Variants in IGSF9B observed in about 807,000 individuals in gnomAD.
The protein encoded by IGSF9B is protein turtle homolog B.
Under a neutral mutation model 143.7 loss-of-function variants are expected in IGSF9B, and 48 were observed. The ratio of observed to expected loss-of-function variants is 0.33; its 90% confidence interval spans 0.26 to 0.42. The LOEUF (loss-of-function observed/expected upper bound fraction) is 0.42, where lower values mean the gene tolerates loss of function less well. Ranked by LOEUF, IGSF9B falls within the 20% of genes least tolerant of loss-of-function variation. IGSF9B has a pLI of 1.00. For missense variants in IGSF9B, 1,706 were observed against 1,980.0 expected (o/e 0.86, Z 2.63); for synonymous variants, 903 against 833.1 (o/e 1.08, Z -1.44).
At chr11:133,937,528 C>A in intron 4 of IGSF9B, 35 bp from the exon 5 acceptor site, 1 of 1,514,916 alleles carries the variant, frequency 6.6e-7, no homozygotes. Context: ...TCAGCACCCA[C>A]GCTCACACCC....
At position 133,945,661 on chromosome 11, in the gene IGSF9B, T is replaced by C. The variant is rs1940033544; in HGVS notation, c.262+400A>G. Among the ~76,000 whole-genome samples the C allele has an allele frequency of 6.6e-6, 1 of 152,006 alleles. No homozygotes were observed. On this transcript the variant is annotated intron_variant, in intron 2 of 19. Transcript: ENST00000533871. This position sits in a 1 kb window ranked among gnomAD's most constrained non-coding sequence, Gnocchi z 4.6. The stretch of plus-strand genomic sequence containing the variant: ...CGGTGGGAGGCCAAAGATTCATCCA[T>C]ACACTCAGGACGGGAAGGCGCCCCG...
chr11:133,932,087 G>A lies in IGSF9B; in HGVS notation c.1094C>T (p.Pro365Leu). Residue 365 changes from proline (P) to leucine (L), a missense_variant, in exon 8 of 20, where the codon CCC (proline) becomes CTC (leucine). Pro to Leu is a moderately conservative substitution (Grantham distance 98). Around this residue, in one of 7 missense-constraint regions of IGSF9B, gnomAD observed 238 missense variants for 452.6 expected, o/e 0.53. Transcript: ENST00000533871. ...TVVKWNKDGR[P>L]LQVEKNLGWT... Reference sequence around the variant, plus strand: ...CTCTAGCACCTTCTCAACCTGCAGGGGACGGCCGTCCTTGTTCCACTTGAC... The same window carrying A: ...CTCTAGCACCTTCTCAACCTGCAGGAGACGGCCGTCCTTGTTCCACTTGAC... 6.2e-7 allele frequency: 1 copy of A among 1,613,402 alleles called. No homozygotes were observed. Among genetic ancestry groups the A allele is most frequent in the Non-Finnish European group, 8.5e-7 (1 of 1,179,510 alleles).
In IGSF9B at chr11:133,956,749, A is replaced by C. The variant is rs1311667332; in HGVS notation, c.6T>G (p.Ile2Met). Reference sequence around the variant, plus strand: ...TTGCTATGAAAGTGGCCACATACCAAATCATAGTACTACCGCGCCAGCCCG... The same window carrying C: ...TTGCTATGAAAGTGGCCACATACCACATCATAGTACTACCGCGCCAGCCCG... The part of the protein sequence containing the change: M[I>M]WYVATFIASV... Residue 2 changes from isoleucine to methionine, a missense_variant, in exon 1 of 20, where the codon ATT (isoleucine) becomes ATG (methionine). Physicochemically the swap from Ile to Met is conservative, Grantham distance 10. This residue lies in a region of IGSF9B where 171 missense variants were observed against 213.9 expected (regional missense o/e 0.80). Coordinates refer to ENST00000533871, the MANE Select transcript of IGSF9B (RefSeq NM_001277285.4). The C allele has an allele frequency of 6.5e-7, 1 of 1,531,426 alleles. No individual in the cohort carries two copies. Among genetic ancestry groups the C allele is most frequent in the Non-Finnish European group, 8.8e-7 (1 of 1,139,606 alleles). The allele number at this position is 1,531,426 out of a possible 1,614,324, so 94.9% of individuals were successfully genotyped here.
chr11:133,912,450 C>A, intron 18 of IGSF9B: 1 of 438,096 alleles, frequency 2.3e-6, no homozygotes, highest in Non-Finnish European at 4.6e-6. Context: ...CCCAGTGAAT[C>A]ATCCTCCATC....
intron 3 of IGSF9B, among the ~76,000 whole-genome samples, chr11:133,942,891 G>A (rs112053823): frequency 0.017 from 2,539 of 152,206 alleles, 60 homozygotes; most frequent in African/African-American, 0.049. Flanking sequence ...AGGCAGGGCT[G>A]GGCTAGGCAG....
intron 5 of IGSF9B, 89 bp from the exon 6 acceptor site, chr11:133,936,283 A>G: frequency 8.1e-7 from 1 of 1,241,862 alleles, no homozygotes; most frequent in Non-Finnish European, 1.1e-6. Flanking sequence ...TGCCTCAGGA[A>G]GCGGTGCCCT....
At chr11:133,916,098 C>T (rs1000229479) in intron 18 of IGSF9B, among the ~76,000 whole-genome samples, 13 of 152,184 alleles carry the variant, frequency 8.5e-5, no homozygotes, top group African/African-American at 1.2e-4. Flanking sequence ...TGCCTCCCTG[C>T]GGTGACAGTC....
At position 133,931,360 on chromosome 11, in the gene IGSF9B, G is replaced by C. The variant is rs560174496; in HGVS notation, c.1368+93C>G. On this transcript the variant is annotated intron_variant, in intron 10 of 19. Coordinates refer to ENST00000533871, the MANE Select transcript of IGSF9B (RefSeq NM_001277285.4). This position sits in a 1 kb window ranked among gnomAD's most constrained non-coding sequence, Gnocchi z 7.7. ...GGCCCTCACACCTCCCCTCAGCCCC[G>C]GGGCTCGCTGGGCCCTCAAACCTCC... The C allele has an allele frequency of 2.1e-6, 2 of 938,884 alleles. No individual in the cohort carries two copies. Among genetic ancestry groups the C allele is most frequent in the Non-Finnish European group, 1.6e-6 (1 of 612,926 alleles). 58.2% of individuals were successfully genotyped at this position (938,884 alleles called of 1,614,324 possible). A position where few individuals can be genotyped will look rare whatever the true frequency, so the allele number is the denominator to read the frequency against.
intron 11 of IGSF9B, 95 bp from the exon 12 acceptor site, chr11:133,929,877 C>G (rs1261875832): frequency 1.3e-6 from 1 of 772,554 alleles, no homozygotes; most frequent in African/African-American, 1.7e-5. Flanking sequence ...GAGGCTGAAG[C>G]GCATGGCAGC....
At chr11:133,952,963 A>G (rs925504713) in intron 1 of IGSF9B, among the ~76,000 whole-genome samples, 1 of 152,186 alleles carries the variant, frequency 6.6e-6, no homozygotes, top group Non-Finnish European at 1.5e-5. Flanking sequence ...AGAAGGCCAC[A>G]GGATGTGGAG....
chr11:133,944,059 C>T (rs1939998990), intron 3 of IGSF9B, among the ~76,000 whole-genome samples, 161 bp downstream of exon 3: 1 of 152,242 alleles, frequency 6.6e-6, no homozygotes, highest in South Asian at 2.1e-4. Flanking sequence ...GGGGACACTG[C>T]AGGAGTGAGC....
chr11:133,903,405 C>T lies in IGSF9B; in HGVS notation c.*5664G>A, dbSNP rs1439636038. 6.6e-6 allele frequency among the ~76,000 whole-genome samples: 1 copy of T among 152,142 alleles called. No individual in the cohort carries two copies. The highest frequency in any genetic ancestry group is 1.5e-5 in the Non-Finnish European group (1 of 68,028). On this transcript the variant is annotated 3_prime_UTR_variant, in exon 20 of 20. Transcript: ENST00000533871. Reference sequence around the variant, plus strand: ...GGCTCCAAAGCCGGTAGCTTTTCACCAGCTCTCGTCCGAAACCCTAACTAC... The same window carrying T: ...GGCTCCAAAGCCGGTAGCTTTTCACTAGCTCTCGTCCGAAACCCTAACTAC...
chr11:133,904,932 T>TG lies in IGSF9B; in HGVS notation c.*4136dup. Among the ~76,000 whole-genome samples, 1 of 149,914 alleles carries TG rather than the reference T, an allele frequency of 6.7e-6. No homozygotes were observed. Among genetic ancestry groups the TG allele is most frequent in the Non-Finnish European group, 1.5e-5 (1 of 67,640 alleles). ...CCCTAAAGCAACACACACAGCCACA[T>TG]GGGGCTCTACACACTGCCTACTAGA... On this transcript the variant is annotated 3_prime_UTR_variant, in exon 20 of 20. Coordinates refer to ENST00000533871, the MANE Select transcript of IGSF9B (RefSeq NM_001277285.4).
At position 133,902,210 on chromosome 11, in the gene IGSF9B, A is replaced by G. The variant is rs1939141822; in HGVS notation, c.*6859T>C. Among the ~76,000 whole-genome samples the G allele has an allele frequency of 6.9e-6, 1 of 145,374 alleles. No individual in the cohort carries two copies. Among genetic ancestry groups the G allele is most frequent in the Admixed American group, 6.9e-5 (1 of 14,572 alleles). On this transcript the variant is annotated 3_prime_UTR_variant, in exon 20 of 20. Transcript: ENST00000533871. ...AACACACCAGACACACCACAAGCAT[A>G]CACCACACGCAACATACACACACCA... is the stretch of plus-strand genomic sequence containing the variant.
intron 1 of IGSF9B, chr11:133,952,157 G>A (rs1172712358): frequency 2.4e-6 from 1 of 419,436 alleles, no homozygotes; most frequent in Non-Finnish European, 4.9e-6. Flanking sequence ...ATTCACGCAA[G>A]AGAGAACAGA....
chr11:133,907,878 G>A lies in IGSF9B; in HGVS notation c.*1191C>T, dbSNP rs1418351703. On this transcript the variant is annotated 3_prime_UTR_variant, in exon 20 of 20. Transcript: ENST00000533871. ...GGTCCACCGGAGGACGAAGGCCCCG[G>A]GGCAGAGAAGAGTCGGCAGGCAGCA... Among the ~76,000 whole-genome samples the A allele has an allele frequency of 2.0e-5, 3 of 152,246 alleles. No homozygotes were observed. The highest frequency in any genetic ancestry group is 4.4e-5 in the Non-Finnish European group (3 of 68,042).
intron 1 of IGSF9B, among the ~76,000 whole-genome samples, chr11:133,952,532 C>T (rs534699224): frequency 6.6e-6 from 1 of 152,228 alleles, no homozygotes; most frequent in Non-Finnish European, 1.5e-5. Context: ...CCACTCCACG[C>T]ACGTGCACAC....
In IGSF9B at chr11:133,905,714, AC is replaced by A. The variant is rs1001860000; in HGVS notation, c.*3354del. On this transcript the variant is annotated 3_prime_UTR_variant, in exon 20 of 20. Coordinates refer to ENST00000533871, the MANE Select transcript of IGSF9B (RefSeq NM_001277285.4). This position sits in a 1 kb window ranked among gnomAD's most constrained non-coding sequence, Gnocchi z 4.0. The stretch of plus-strand genomic sequence containing the variant: ...AGTAGGATCTCAAAAGGCCTGTCCT[AC>A]CCCCAGTCTCTCCAGGGAAGCTGCT... Among the ~76,000 whole-genome samples, 1 of 152,028 alleles carries A rather than the reference AC, an allele frequency of 6.6e-6. No individual in the cohort carries two copies. Among genetic ancestry groups the A allele is most frequent in the South Asian group, 2.1e-4 (1 of 4,810 alleles).
intron 13 of IGSF9B, among the ~76,000 whole-genome samples, chr11:133,926,335 G>A (rs967379519): frequency 3.3e-5 from 5 of 152,264 alleles, no homozygotes; most frequent in Non-Finnish European, 7.3e-5. Context: ...CAAGGACTGG[G>A]GGTGAGCATC....
Sources: allele counts gnomAD v4.1 joint callset (sites outside exome capture counted in the v4.1 genomes callset), GRCh38; gene constraint gnomAD v4.1.1; regional missense constraint gnomAD v4.1.1; non-coding constraint Gnocchi (gnomAD v3.1); transcripts MANE v1.5; gene names NCBI Gene and HGNC (gene_info 2026-07-23, HGNC 2026-07-21).